CNTNAP2: variants seen among roughly 807,000 people sequenced by gnomAD.
CNTNAP2 encodes the protein contactin-associated protein-like 2.
In CNTNAP2, 98 loss-of-function variants were observed where a neutral mutation model predicts 155.2. The observed-to-expected ratio is 0.63, with a 90% confidence interval of 0.54 to 0.75. The LOEUF is 0.75. CNTNAP2 is among the 30% of genes least tolerant of loss of function. The pLI, the probability that CNTNAP2 is intolerant of heterozygous loss-of-function variation, is 0.00. For synonymous variants in CNTNAP2, 651 were observed against 631.2 expected, an observed-to-expected ratio of 1.03 and a Z score of -0.47; for missense variants, 1,727 against 1,688.1, an observed-to-expected ratio of 1.02 and a Z score of -0.40.
intron 8 of CNTNAP2, among the ~76,000 whole-genome samples, chr7:147,252,908 T>C (rs1462810674): frequency 6.6e-6 from 1 of 152,224 alleles, no homozygotes; most frequent in Non-Finnish European, 1.5e-5. Flanking sequence ...CAGTGTGGTA[T>C]GTGGTTTGTG....
intron 22 of CNTNAP2, among the ~76,000 whole-genome samples, chr7:148,392,172 C>A (rs1286833777): frequency 1.4e-5 from 2 of 142,390 alleles, no homozygotes; most frequent in African/African-American, 2.7e-5. Context: ...CTCCGGGGTA[C>A]AAGCAATTCT....
intron 1 of CNTNAP2, among the ~76,000 whole-genome samples, chr7:146,323,932 C>A (rs1239217734): frequency 1.3e-5 from 2 of 152,120 alleles, no homozygotes; most frequent in African/African-American, 4.8e-5. Flanking sequence ...TAATGGACAT[C>A]CCTTTCTATT....
chr7:148,258,189 G>C (rs551174484), intron 20 of CNTNAP2, among the ~76,000 whole-genome samples: 2 of 152,362 alleles, frequency 1.3e-5, no homozygotes, highest in African/African-American at 4.8e-5. Context: ...CCACTGATCA[G>C]TGTTTAACAA....
At chr7:148,130,911 T>C (rs1172301365) in intron 16 of CNTNAP2, among the ~76,000 whole-genome samples, 1 of 152,144 alleles carries the variant, frequency 6.6e-6, no homozygotes, top group East Asian at 1.9e-4. Context: ...TTAGGTGCAT[T>C]GCCTGGAAAG....
At chr7:146,714,680 T>C (rs1033097471) in intron 1 of CNTNAP2, among the ~76,000 whole-genome samples, 1 of 152,162 alleles carries the variant, frequency 6.6e-6, no homozygotes, top group Admixed American at 6.6e-5. Context: ...TAATTGGAAA[T>C]CATATGGACA....
At chr7:147,238,163 C>G (rs1259528125) in intron 8 of CNTNAP2, among the ~76,000 whole-genome samples, 1 of 152,124 alleles carries the variant, frequency 6.6e-6, no homozygotes, top group Non-Finnish European at 1.5e-5. Context: ...TACAGGCGCC[C>G]GCCACCACGC....
At chr7:147,561,287 T>C (rs1329329853) in intron 11 of CNTNAP2, among the ~76,000 whole-genome samples, 1 of 152,228 alleles carries the variant, frequency 6.6e-6, no homozygotes, top group Non-Finnish European at 1.5e-5. Context: ...GACATATTTT[T>C]ACCGAAAACA....
intron 10 of CNTNAP2, among the ~76,000 whole-genome samples, chr7:147,446,728 A>G (rs1338753463): frequency 6.6e-6 from 1 of 152,234 alleles, no homozygotes. Flanking sequence ...ATCAGCTGGT[A>G]GGGACTTATG....
In CNTNAP2 at chr7:147,342,151, T is replaced by C. The variant is rs144733059; in HGVS notation, c.1498+41861T>C. ...TAAACCTGCCATGAAGGCTACACTC[T>C]CATAACCTAATTATATCCCAAAGGT... On this transcript the variant is annotated intron_variant, in intron 9 of 23. Coordinates refer to ENST00000361727, the MANE Select transcript of CNTNAP2 (RefSeq NM_014141.6). Among the ~76,000 whole-genome samples, 10 of 152,238 alleles carry C rather than the reference T, an allele frequency of 6.6e-5. No homozygotes were observed. In the East Asian group the frequency reaches 1.9e-3, roughly 30 times the overall value.
chr7:146,377,154 A>G (rs537814735), intron 1 of CNTNAP2, among the ~76,000 whole-genome samples: 1 of 152,326 alleles, frequency 6.6e-6, no homozygotes, highest in Non-Finnish European at 1.5e-5. Flanking sequence ...GTTCCATTTC[A>G]TTTTGGCTTC....
chr7:146,954,003 G>A (rs576248313), intron 3 of CNTNAP2, among the ~76,000 whole-genome samples: 3 of 151,820 alleles, frequency 2.0e-5, no homozygotes, highest in African/African-American at 7.2e-5. Context: ...AACTATTATT[G>A]CTTTGATACC....
chr7:148,337,804 G>A (rs1798145763), intron 21 of CNTNAP2, among the ~76,000 whole-genome samples: 1 of 152,128 alleles, frequency 6.6e-6, no homozygotes, highest in Non-Finnish European at 1.5e-5. Flanking sequence ...TTATGTCTGT[G>A]GTGTCTCCAC....
intron 1 of CNTNAP2, among the ~76,000 whole-genome samples, chr7:146,408,266 G>A (rs908547525): frequency 2.7e-4 from 41 of 152,134 alleles, no homozygotes; most frequent in Admixed American, 1.2e-3. Flanking sequence ...ACTATTAACA[G>A]AATACTTTAA....
intron 1 of CNTNAP2, among the ~76,000 whole-genome samples, chr7:146,525,532 TTATCTATCTATC>T (rs71175655): frequency 0.01 from 1,514 of 147,942 alleles, 14 homozygotes; most frequent in Middle Eastern, 0.021. Flanking sequence ...TCTTTTCAGT[TTATCTATCTATC>T]TATCTATCTA....
intron 4 of CNTNAP2, among the ~76,000 whole-genome samples, chr7:147,079,999 CTTTTT>C (rs33992262): frequency 1.8e-5 from 2 of 112,888 alleles, no homozygotes; most frequent in Non-Finnish European, 1.9e-5. Flanking sequence ...AAGCCTAGTC[CTTTTT>C]TTTTTTTTTT....
intron 1 of CNTNAP2, among the ~76,000 whole-genome samples, chr7:146,165,206 T>G (rs764750290): frequency 5.3e-5 from 8 of 152,104 alleles, no homozygotes; most frequent in Non-Finnish European, 1.2e-4. Flanking sequence ...TTTTAAAAAT[T>G]TGTCAATGTT....
At chr7:146,983,576 C>T (rs1798059654) in intron 3 of CNTNAP2, among the ~76,000 whole-genome samples, 1 of 152,178 alleles carries the variant, frequency 6.6e-6, no homozygotes. Flanking sequence ...TACTCTCTTC[C>T]ATATTACATT....
chr7:147,267,925 C>T (rs1190533982), intron 8 of CNTNAP2, among the ~76,000 whole-genome samples: 1 of 152,076 alleles, frequency 6.6e-6, no homozygotes, highest in Non-Finnish European at 1.5e-5. Context: ...CTGGAGTAGT[C>T]CCTGTGACAT....
intron 14 of CNTNAP2, among the ~76,000 whole-genome samples, chr7:147,951,143 C>G (rs1382552017): frequency 6.6e-6 from 1 of 152,126 alleles, no homozygotes; most frequent in Admixed American, 6.5e-5. Flanking sequence ...TCTCAGAGGG[C>G]AGAGAGAAAG....
Sources: gnomAD v4.1 joint callset for allele counts (sites outside exome capture counted in the v4.1 genomes callset) on GRCh38, gnomAD v4.1.1 for gene constraint, MANE v1.5 for transcripts, NCBI Gene and HGNC (gene_info 2026-07-23, HGNC 2026-07-21) for gene names.